The following NEURL4 variants were observed in gnomAD, a reference collection of about 807,000 sequenced individuals.
The protein encoded by NEURL4 is neuralized E3 ubiquitin protein ligase 4.
Under a neutral mutation model 148.0 loss-of-function variants are expected in NEURL4, and 45 were observed. That is an observed-to-expected ratio of 0.30 (90% CI 0.24 to 0.39). The LOEUF (loss-of-function observed/expected upper bound fraction) is 0.39. NEURL4 is among the 10% of genes least tolerant of loss of function. The pLI is 1.00. For synonymous variants in NEURL4, 854 were observed against 869.0 expected, an observed-to-expected ratio of 0.98 and a Z score of 0.30; for missense variants, 1,776 against 2,144.0, an observed-to-expected ratio of 0.83 and a Z score of 3.39.
chr17:7,320,464 G>C (rs2073016662), intron 21 of NEURL4, among the ~76,000 whole-genome samples: 1 of 152,084 alleles, frequency 6.6e-6, no homozygotes, highest in African/African-American at 2.4e-5. Flanking sequence ...ATATCTTTCA[G>C]TTTGTAGCAA....
At chr17:7,328,031 C>T (rs2073126222) in intron 1 of NEURL4, 147 bp from the exon 2 acceptor site, 6 of 668,538 alleles carry the variant, frequency 9.0e-6, no homozygotes, top group Admixed American at 5.9e-5. Flanking sequence ...TTCTGGACTC[C>T]GTCTTGGTAA....
intron 21 of NEURL4, 98 bp from the exon 22 acceptor site, chr17:7,319,306 G>A: frequency 4.1e-6 from 4 of 983,942 alleles, no homozygotes; most frequent in Non-Finnish European, 5.8e-6. Context: ...CCAGAATGTG[G>A]CCTGGGATGC....
intron 28 of NEURL4, 81 bp from the exon 29 acceptor site, chr17:7,316,408 G>A: frequency 1.7e-6 from 2 of 1,146,488 alleles, no homozygotes; most frequent in Non-Finnish European, 2.5e-6. Context: ...AACCACACAA[G>A]CCTTGCTGTA....
chr17:7,319,045 C>T lies in NEURL4; in HGVS notation c.3684+5G>A, dbSNP rs1379210225. On this transcript the variant is annotated splice_donor_5th_base_variant and intron_variant, in intron 22 of 28. Coordinates refer to ENST00000399464, the MANE Select transcript of NEURL4 (RefSeq NM_032442.3). ...TCCTGTTCCTTCTCTCTGGCTCCTA[C>T]TCACCTTGAGACCGTTGTGGAAGAC... The T allele has an allele frequency of 3.7e-6, 6 of 1,606,116 alleles. No homozygotes were observed. The highest frequency in any genetic ancestry group is 5.1e-6 in the Non-Finnish European group (6 of 1,175,974).
chr17:7,319,679 G>A (rs1332809321), intron 21 of NEURL4, among the ~76,000 whole-genome samples: 36 of 136,884 alleles, frequency 2.6e-4, no homozygotes, highest in African/African-American at 8.0e-4. Context: ...TAGCCTGGGC[G>A]ACAAGAGCTA....
chr17:7,316,377 C>A (rs202134408), intron 28 of NEURL4, 50 bp from the exon 29 acceptor site: 1 of 1,473,482 alleles, frequency 6.8e-7, no homozygotes. Context: ...CCCATCACCT[C>A]CCCCTTGCAA....
chr17:7,324,083 A>G lies in NEURL4; in HGVS notation c.2062+25T>C, dbSNP rs2143012900. 6.2e-7 allele frequency: 1 copy of G among 1,610,648 alleles called. No homozygotes were observed. ...ACCTCCCAAGGCCACCCTAACCCCC[A>G]GCCCCAGCCCAGCCCGGCCCTCACC... On this transcript the variant is annotated intron_variant, in intron 11 of 28. Coordinates refer to ENST00000399464, the MANE Select transcript of NEURL4 (RefSeq NM_032442.3). This position sits in a 1 kb window ranked among gnomAD's most constrained non-coding sequence, Gnocchi z 5.9.
intron 14 of NEURL4, 34 bp from the exon 15 acceptor site, chr17:7,323,157 C>T: frequency 6.3e-7 from 1 of 1,597,116 alleles, no homozygotes; most frequent in Admixed American, 1.7e-5. Context: ...AGTCAGCCTG[C>T]CAACTTCAAC....
Position 7,322,739 on chromosome 17 carries a change from G to A in NEURL4, c.2721C>T (p.Ser907=), listed in dbSNP as rs757861512. 2.5e-6 allele frequency: 4 copies of A among 1,611,546 alleles called. No homozygotes were observed. The Admixed American group carries it at 5.0e-5, about 20-fold the overall frequency. The part of the protein sequence containing the change: ...TATEKSFPLH[S]PVAGVAHRFH... ...GCCCCCGCCCTGCTGCCGCACCTGG[G>A]GAGTGCAGTGGGAAGGACTTCTCGG... is the stretch of plus-strand genomic sequence containing the variant. Residue 907 remains serine, a synonymous_variant, in exon 16 of 29, where the codon TCC becomes TCT. Transcript: ENST00000399464. This position sits in a 1 kb window ranked among gnomAD's most constrained non-coding sequence, Gnocchi z 5.5.
Position 7,328,998 on chromosome 17 carries a change from C to G in NEURL4, c.282+33G>C, listed in dbSNP as rs548428665. 158 of 1,520,094 alleles carry G rather than the reference C, an allele frequency of 1.0e-4. 1 individual carries two copies. The South Asian group carries it at 2.0e-3, about 19-fold the overall frequency. The allele number at this position is 1,520,094 out of a possible 1,614,324, so 94.2% of individuals were successfully genotyped here. A position where few individuals can be genotyped will look rare whatever the true frequency, so the allele number is the denominator to read the frequency against. ...CCCTCTAGACGCCTCCCACCACCCT[C>G]CACATCTCTGTTCCGCGGTACCAGC... On this transcript the variant is annotated intron_variant, in intron 1 of 28. Coordinates refer to ENST00000399464, the MANE Select transcript of NEURL4 (RefSeq NM_032442.3).
chr17:7,327,028 A>G lies in NEURL4; in HGVS notation c.794-19T>C, dbSNP rs192842875. On this transcript the variant is annotated intron_variant, in intron 3 of 28. Transcript: ENST00000399464. This position sits in a 1 kb window ranked among gnomAD's most constrained non-coding sequence, Gnocchi z 6.6. ...GCAAAGTCTATAGCAGCAGGATGGA[A>G]GAAGGAAGCTCGGAAGTTGGGATGA... 2.1e-3 allele frequency: 3,395 copies of G among 1,607,650 alleles called. 15 individuals carry two copies. Among genetic ancestry groups the G allele is most frequent in the South Asian group, 7.4e-3 (670 of 91,064 alleles).
rs2073082511 is a variant in NEURL4 at position 7,324,979 on chromosome 17, C to T, written c.1633G>A (p.Ala545Thr). ...ACGCCGTGATTGAAGTCATCGGTGG[C>T]ACTGAGGGCACAGCAAGTGGAGAGT... Reference protein sequence around the residue: ...HEGRTALRPHATDDFNHGVVL... With the variant: ...HEGRTALRPHTTDDFNHGVVL... The change falls in exon 9 of 29, where the codon GCC (alanine) becomes ACC (threonine). Residue 545 changes from alanine to threonine, a missense_variant and splice_region_variant. Coordinates refer to ENST00000399464, the MANE Select transcript of NEURL4 (RefSeq NM_032442.3). The surrounding 1 kb of genome is among the most constrained non-coding windows in gnomAD (Gnocchi z 5.9). 1 of 1,613,786 alleles carries T rather than the reference C, an allele frequency of 6.2e-7. No homozygotes were observed. The highest frequency in any genetic ancestry group is 8.5e-7 in the Non-Finnish European group (1 of 1,179,916).
At position 7,326,637 on chromosome 17, in the gene NEURL4, C is replaced by G. The variant is rs768668786; in HGVS notation, c.1092+74G>C. On this transcript the variant is annotated intron_variant, in intron 4 of 28. Coordinates refer to ENST00000399464, the MANE Select transcript of NEURL4 (RefSeq NM_032442.3). This position sits in a 1 kb window ranked among gnomAD's most constrained non-coding sequence, Gnocchi z 6.0. ...TGGTTCTTCCCCAGGGCCCACCCTC[C>G]TAGCACCAAGGGTCAATCCCCATCT... is the stretch of plus-strand genomic sequence containing the variant. The G allele has an allele frequency of 1.9e-6, 3 of 1,605,514 alleles. No homozygotes were observed. Among genetic ancestry groups the G allele is most frequent in the Non-Finnish European group, 2.6e-6 (3 of 1,173,790 alleles).
chr17:7,326,212 G>T lies in NEURL4; in HGVS notation c.1293+43C>A. 1 of 1,582,260 alleles carries T rather than the reference G, an allele frequency of 6.3e-7. No homozygotes were observed. ...CCTGGCAGGGACACAGAGTACCTGT[G>T]GCTCTGCTGAAAGCGGCCCAGGGAT... On this transcript the variant is annotated intron_variant, in intron 6 of 28. Coordinates refer to ENST00000399464, the MANE Select transcript of NEURL4 (RefSeq NM_032442.3). The surrounding 1 kb of genome is among the most constrained non-coding windows in gnomAD (Gnocchi z 6.0).
At position 7,324,424 on chromosome 17, in the gene NEURL4, C is replaced by T. The variant is rs1159380515; in HGVS notation, c.1870G>A (p.Glu624Lys). 1.2e-6 allele frequency: 2 copies of T among 1,614,214 alleles called. No individual in the cohort carries two copies. The highest frequency in any genetic ancestry group is 1.1e-5 in the South Asian group (1 of 91,086). ...AGGCGGTCCAGATTGTGCCCGTATT[C>T]ATCCAGGATGGTCGTCCCATTGTGC... ...VMHNGTTILD[E>K]YGHNLDRLKA... Residue 624 changes from glutamate (E) to lysine (K), a missense_variant, in exon 10 of 29, where the codon GAA becomes AAA. Transcript: ENST00000399464. This position sits in a 1 kb window ranked among gnomAD's most constrained non-coding sequence, Gnocchi z 5.9.
chr17:7,315,728 C>G lies in NEURL4; in HGVS notation c.*395G>C, dbSNP rs1356367780. On this transcript the variant is annotated 3_prime_UTR_variant, in exon 29 of 29. Transcript: ENST00000399464. ...GTGCGCCCACCCTTCCCCACTCCCG[C>G]CCGGTGGCCCCGGAAAAAGCAGCTT... The G allele has an allele frequency of 2.2e-6, 1 of 459,806 alleles. No individual in the cohort carries two copies. The highest frequency in any genetic ancestry group is 2.0e-5 in the African/African-American group (1 of 49,628). The allele number at this position is 459,806 out of a possible 1,614,324, so 28.5% of individuals were successfully genotyped here.
chr17:7,321,946 G>A lies in NEURL4; in HGVS notation c.2790C>T (p.Gly930=), dbSNP rs1272324446. Residue 930 remains glycine, a synonymous_variant, in exon 17 of 29, where the codon GGC becomes GGT. Coordinates refer to ENST00000399464, the MANE Select transcript of NEURL4 (RefSeq NM_032442.3). This position sits in a 1 kb window ranked among gnomAD's most constrained non-coding sequence, Gnocchi z 6.3. Reference sequence around the variant, plus strand: ...AGCCAGCGGCACGCACTGCCCTCGTGCCATCCTCCTCTAGAGTGACGTTCT... The same window carrying A: ...AGCCAGCGGCACGCACTGCCCTCGTACCATCCTCCTCTAGAGTGACGTTCT... ...CGKNVTLEED[G]TRAVRAAGYA... is the part of the protein sequence containing the mutation. 1.2e-6 allele frequency: 2 copies of A among 1,613,630 alleles called. No homozygotes were observed. The highest frequency in any genetic ancestry group is 1.7e-6 in the Non-Finnish European group (2 of 1,179,998).
intron 12 of NEURL4, 33 bp downstream of exon 12, chr17:7,323,781 G>A (rs369206922): frequency 1.2e-6 from 2 of 1,614,028 alleles, no homozygotes; most frequent in Non-Finnish European, 1.7e-6. Context: ...CTGGGCAGGA[G>A]GAAGGTGGGG....
chr17:7,322,638 C>T lies in NEURL4; in HGVS notation c.2725+97G>A. On this transcript the variant is annotated intron_variant, in intron 16 of 28. Coordinates refer to ENST00000399464, the MANE Select transcript of NEURL4 (RefSeq NM_032442.3). The surrounding 1 kb of genome is among the most constrained non-coding windows in gnomAD (Gnocchi z 5.5). ...CCCTGGAGCCGGCAGCTACCCCAGC[C>T]AACCGTCTTTGCAGAACCTCTCTAA... 1 of 1,499,598 alleles carries T rather than the reference C, an allele frequency of 6.7e-7. No homozygotes were observed. 92.9% of individuals were successfully genotyped at this position (1,499,598 alleles called of 1,614,324 possible).
Sources: gnomAD v4.1 joint callset for allele counts (sites outside exome capture counted in the v4.1 genomes callset) on GRCh38, gnomAD v4.1.1 for gene constraint, Gnocchi (gnomAD v3.1) non-coding constraint, MANE v1.5 for transcripts, NCBI Gene and HGNC (gene_info 2026-07-23, HGNC 2026-07-21) for gene names.